Variants in CTNND2 observed in about 807,000 individuals in gnomAD.
CTNND2 encodes catenin delta 2.
A neutral mutation model predicts 144.4 loss-of-function variants in CTNND2; 22 were observed. The ratio of observed to expected loss-of-function variants is 0.15; its 90% confidence interval spans 0.11 to 0.22. The LOEUF (loss-of-function observed/expected upper bound fraction) is 0.22, where lower values mean the gene tolerates loss of function less well. CTNND2 is among the 10% of genes least tolerant of loss of function. The pLI, the probability that CTNND2 is intolerant of heterozygous loss-of-function variation, is 1.00. For synonymous variants in CTNND2, 751 were observed against 695.6 expected (o/e 1.08, Z -1.25); for missense variants, 1,353 against 1,618.8 (o/e 0.84, Z 2.82).
intron 2 of CTNND2, among the ~76,000 whole-genome samples, chr5:11,655,523 T>G (rs188848924): frequency 4.4e-4 from 67 of 152,244 alleles, no homozygotes; most frequent in Non-Finnish European, 7.8e-4. Flanking sequence ...CTCATTATTC[T>G]TATTCTTGTC....
At chr5:11,278,857 G>A (rs1156711843) in intron 9 of CTNND2, among the ~76,000 whole-genome samples, 2 of 152,004 alleles carry the variant, frequency 1.3e-5, no homozygotes, top group African/African-American at 2.4e-5. Context: ...TACTTCCCAG[G>A]CCCCTTCTTT....
intron 7 of CTNND2, among the ~76,000 whole-genome samples, chr5:11,372,914 G>A (rs188234173): frequency 3.3e-4 from 50 of 152,346 alleles, no homozygotes; most frequent in Admixed American, 2.5e-3. Context: ...CATCAATGCC[G>A]TGGTCTCTCC....
intron 18 of CTNND2, among the ~76,000 whole-genome samples, chr5:11,008,890 G>T (rs187053539): frequency 1.3e-5 from 2 of 152,238 alleles, no homozygotes; most frequent in African/African-American, 4.8e-5. Flanking sequence ...TTTGGGGGTG[G>T]CAGGCCTGGT....
chr5:11,048,558 T>C (rs997405120), intron 16 of CTNND2, among the ~76,000 whole-genome samples: 1 of 152,142 alleles, frequency 6.6e-6, no homozygotes. Context: ...ATCCACCCCA[T>C]GGATGCATAA....
chr5:11,644,042 T>C (rs1247785430), intron 2 of CTNND2, among the ~76,000 whole-genome samples: 1 of 152,232 alleles, frequency 6.6e-6, no homozygotes, highest in Non-Finnish European at 1.5e-5. Context: ...AACTCATTGA[T>C]CTTATTTCTT....
chr5:11,177,887 C>T (rs1443666888), intron 11 of CTNND2, among the ~76,000 whole-genome samples: 1 of 152,098 alleles, frequency 6.6e-6, no homozygotes, highest in Non-Finnish European at 1.5e-5. Flanking sequence ...ATCCTCAATT[C>T]CATCGCAAGA....
chr5:11,132,669 C>A (rs1240788091), intron 12 of CTNND2, among the ~76,000 whole-genome samples: 1 of 152,174 alleles, frequency 6.6e-6, no homozygotes, highest in Non-Finnish European at 1.5e-5. Context: ...GCCAGACTGA[C>A]TAAGACAGTC....
chr5:11,816,457 C>T (rs141609416), intron 1 of CTNND2, among the ~76,000 whole-genome samples: 11 of 151,312 alleles, frequency 7.3e-5, no homozygotes, highest in African/African-American at 1.2e-4. Context: ...TCAGGGTCTA[C>T]GCAGAACCTC....
Position 11,100,625 on chromosome 5 carries a change from T to C in CTNND2, c.2464-1877A>G, listed in dbSNP as rs146596472. Among the ~76,000 whole-genome samples the C allele has an allele frequency of 7.2e-3, 1,100 of 152,338 alleles. 12 individuals are homozygous for C. The highest frequency in any genetic ancestry group is 0.023 in the African/African-American group (938 of 41,584). The stretch of plus-strand genomic sequence containing the variant: ...AGACCAGCTTGGGGTAGTGAATCTA[T>C]CTGCTAGAGTAACAAGAAATGGCAA... On this transcript the variant is annotated intron_variant, in intron 14 of 21. Transcript: ENST00000304623.
chr5:11,766,544 C>T (rs1789598313), intron 1 of CTNND2, among the ~76,000 whole-genome samples: 1 of 152,186 alleles, frequency 6.6e-6, no homozygotes, highest in Middle Eastern at 3.2e-3. Flanking sequence ...TTGCCTTCTG[C>T]CGTGATTGTG....
At chr5:11,678,877 T>C (rs1304255876) in intron 2 of CTNND2, among the ~76,000 whole-genome samples, 1 of 152,010 alleles carries the variant, frequency 6.6e-6, no homozygotes, top group African/African-American at 2.4e-5. Context: ...CAGGTGTGTG[T>C]ATGATCTTTT....
At chr5:11,198,300 G>T (rs1737077462) in intron 11 of CTNND2, among the ~76,000 whole-genome samples, 1 of 152,054 alleles carries the variant, frequency 6.6e-6, no homozygotes, top group African/African-American at 2.4e-5. Flanking sequence ...TTTCCACAAA[G>T]ATGATTTTCT....
At chr5:11,663,388 A>G (rs1298159809) in intron 2 of CTNND2, among the ~76,000 whole-genome samples, 3 of 152,216 alleles carry the variant, frequency 2.0e-5, no homozygotes, top group Non-Finnish European at 2.9e-5. Context: ...CAGCCTGTCA[A>G]TAAGTACAGC....
chr5:11,736,171 TACTA>T (rs1362053089), intron 1 of CTNND2, among the ~76,000 whole-genome samples: 1 of 152,066 alleles, frequency 6.6e-6, no homozygotes, highest in Non-Finnish European at 1.5e-5. Flanking sequence ...AATGCTACTC[TACTA>T]ACTAATTTTT....
At chr5:10,980,829 A>G (rs1471215545) in intron 21 of CTNND2, among the ~76,000 whole-genome samples, 1 of 152,094 alleles carries the variant, frequency 6.6e-6, no homozygotes, top group East Asian at 1.9e-4. Flanking sequence ...GTTCTCACTC[A>G]TAAGTGGGAG....
chr5:11,552,116 C>T (rs189167176), intron 3 of CTNND2, among the ~76,000 whole-genome samples: 429 of 152,264 alleles, frequency 2.8e-3, no homozygotes, highest in Non-Finnish European at 4.4e-3. Context: ...AGAGCCACAT[C>T]GTAGTCATCC....
intron 3 of CTNND2, among the ~76,000 whole-genome samples, chr5:11,450,145 T>C (rs1765169834): frequency 6.6e-6 from 1 of 152,218 alleles, no homozygotes; most frequent in Non-Finnish European, 1.5e-5. Flanking sequence ...TTATGTATCA[T>C]TCGTGTAAAA....
chr5:11,626,337 A>G (rs887037808), intron 2 of CTNND2, among the ~76,000 whole-genome samples: 1 of 152,206 alleles, frequency 6.6e-6, no homozygotes, highest in African/African-American at 2.4e-5. Context: ...AAAGTTTTAA[A>G]TTGCATTGTC....
chr5:11,471,017 G>A (rs1445766072), intron 3 of CTNND2, among the ~76,000 whole-genome samples: 4 of 115,834 alleles, frequency 3.5e-5, no homozygotes, highest in East Asian at 4.8e-4. Flanking sequence ...TCTCTCTGTC[G>A]CTGAGGCTGG....
Sources: gnomAD v4.1 joint callset for allele counts (sites outside exome capture counted in the v4.1 genomes callset) on GRCh38, gnomAD v4.1.1 for gene constraint, MANE v1.5 for transcripts, NCBI Gene and HGNC (gene_info 2026-07-23, HGNC 2026-07-21) for gene names.